The following SPON1 variants were observed in gnomAD, a reference collection of about 807,000 sequenced individuals.
SPON1 encodes spondin-1.
Under a neutral mutation model 111.7 loss-of-function variants are expected in SPON1, and 52 were observed. The observed-to-expected ratio is 0.47, with a 90% confidence interval of 0.37 to 0.59. The LOEUF is 0.59. SPON1 is among the 20% of genes least tolerant of loss of function. SPON1 has a pLI of 0.00. For missense variants in SPON1, 957 were observed against 1,068.5 expected, an observed-to-expected ratio of 0.90 and a Z score of 1.46; for synonymous variants, 410 against 395.8, an observed-to-expected ratio of 1.04 and a Z score of -0.43.
chr11:14,224,777 G>C (rs1554937961), intron 6 of SPON1: 1 of 498,412 alleles, frequency 2.0e-6, no homozygotes, highest in Non-Finnish European at 4.0e-6. Context: ...GGAGAAGTAG[G>C]TGGGGCCAAA....
intron 1 of SPON1, among the ~76,000 whole-genome samples, chr11:13,974,877 C>T (rs929067647): frequency 6.6e-6 from 1 of 152,160 alleles, no homozygotes; most frequent in African/African-American, 2.4e-5. Context: ...AGCCTTTTAT[C>T]ACACCCTTCC....
chr11:14,122,764 T>G (rs1847407173), intron 5 of SPON1, among the ~76,000 whole-genome samples: 1 of 152,194 alleles, frequency 6.6e-6, no homozygotes, highest in South Asian at 2.1e-4. Context: ...ATTCCCTATC[T>G]GTTCACTCAT....
At chr11:13,983,481 C>G (rs905992336) in intron 2 of SPON1, among the ~76,000 whole-genome samples, 2 of 152,106 alleles carry the variant, frequency 1.3e-5, no homozygotes, top group African/African-American at 4.8e-5. Context: ...AAATGTCAGT[C>G]CTCACAGAAC....
intron 6 of SPON1, among the ~76,000 whole-genome samples, chr11:14,140,989 A>G (rs1055312439): frequency 4.0e-5 from 6 of 149,858 alleles, no homozygotes; most frequent in Non-Finnish European, 8.9e-5. Context: ...CAAACAGGGC[A>G]GCCCTTTAAA....
At chr11:14,225,030 C>G (rs1024236976) in intron 6 of SPON1, among the ~76,000 whole-genome samples, 8 of 152,110 alleles carry the variant, frequency 5.3e-5, no homozygotes, top group Non-Finnish European at 1.0e-4. Flanking sequence ...CAGGGTGTGG[C>G]TGAGGGCGCC....
At chr11:14,174,886 G>T (rs1321994049) in intron 6 of SPON1, among the ~76,000 whole-genome samples, 2 of 152,076 alleles carry the variant, frequency 1.3e-5, no homozygotes, top group African/African-American at 4.8e-5. Context: ...ATGCCAAGTG[G>T]CCAATATTTC....
intron 2 of SPON1, among the ~76,000 whole-genome samples, chr11:13,985,682 T>G (rs1318174781): frequency 1.3e-5 from 2 of 152,178 alleles, no homozygotes; most frequent in African/African-American, 2.4e-5. Flanking sequence ...TCCCCTTAAT[T>G]CTTGTAGCAA....
intron 10 of SPON1, among the ~76,000 whole-genome samples, chr11:14,257,156 T>C (rs1255652957): frequency 6.6e-6 from 1 of 152,210 alleles, no homozygotes; most frequent in Non-Finnish European, 1.5e-5. Flanking sequence ...ACATGTGATC[T>C]TGGGCAAGAA....
chr11:14,018,821 G>A (rs1848461501), intron 2 of SPON1, among the ~76,000 whole-genome samples: 1 of 152,238 alleles, frequency 6.6e-6, no homozygotes, highest in Non-Finnish European at 1.5e-5. Context: ...GACCAGGCAA[G>A]TTCAGTGGGC....
chr11:14,210,740 T>G (rs1848566871), intron 6 of SPON1, among the ~76,000 whole-genome samples: 1 of 152,172 alleles, frequency 6.6e-6, no homozygotes, highest in South Asian at 2.1e-4. Flanking sequence ...TTTTAGGTCT[T>G]ATATTTAAGT....
At position 13,962,949 on chromosome 11, in the gene SPON1, A is replaced by G; in HGVS notation, c.45A>G (p.Ala15=). The change falls in exon 1 of 16, where the codon GCA becomes GCG. Residue 15 remains alanine, a synonymous_variant. Coordinates refer to ENST00000576479, the MANE Select transcript of SPON1 (RefSeq NM_006108.4). ...PAPLKLSRTP[A]LLALALPLAA... ...CCCTGAAGCTGAGCCGGACTCCGGC[A>G]CTGCTGGCCCTGGCGCTGCCCCTGG... 1 of 1,583,816 alleles carries G rather than the reference A, an allele frequency of 6.3e-7. No homozygotes were observed. The highest frequency in any genetic ancestry group is 1.2e-5 in the South Asian group (1 of 86,358).
intron 6 of SPON1, among the ~76,000 whole-genome samples, chr11:14,136,425 G>A (rs1221199635): frequency 6.6e-6 from 1 of 152,228 alleles, no homozygotes; most frequent in Non-Finnish European, 1.5e-5. Flanking sequence ...CTGAGAGGCT[G>A]TTGCCCTCCC....
At chr11:13,979,646 T>C (rs1375600734) in intron 1 of SPON1, among the ~76,000 whole-genome samples, 2 of 152,214 alleles carry the variant, frequency 1.3e-5, no homozygotes, top group African/African-American at 4.8e-5. Context: ...CCTCACCTGA[T>C]GCAAGGCAGC....
intron 6 of SPON1, among the ~76,000 whole-genome samples, chr11:14,242,307 T>C (rs561661003): frequency 1.3e-5 from 2 of 152,328 alleles, no homozygotes; most frequent in East Asian, 3.9e-4. Flanking sequence ...TGTAGCCTTG[T>C]CGCTATGAGC....
At chr11:13,982,725 T>A (rs1468060944) in intron 1 of SPON1, 122 bp from the exon 2 acceptor site, 1 of 684,192 alleles carries the variant, frequency 1.5e-6, no homozygotes, top group Non-Finnish European at 2.6e-6. Context: ...GCCTCAACAC[T>A]GTCCACGGCC....
At chr11:14,153,009 G>C (rs926354469) in intron 6 of SPON1, among the ~76,000 whole-genome samples, 5 of 152,130 alleles carry the variant, frequency 3.3e-5, no homozygotes, top group African/African-American at 4.8e-5. Context: ...CAACCTCCAA[G>C]CACTCCAAAT....
intron 7 of SPON1, among the ~76,000 whole-genome samples, chr11:14,253,103 G>A (rs1387260379): frequency 6.6e-6 from 1 of 152,172 alleles, no homozygotes; most frequent in Admixed American, 6.5e-5. Context: ...TAAGGGAGGG[G>A]GTGCATGGGA....
intron 6 of SPON1, among the ~76,000 whole-genome samples, chr11:14,220,491 G>A (rs1848669944): frequency 6.6e-6 from 1 of 152,112 alleles, no homozygotes; most frequent in Non-Finnish European, 1.5e-5. Flanking sequence ...CTTTGAAGTG[G>A]TTTTTCCTCC....
At chr11:14,150,733 T>C (rs1220339953) in intron 6 of SPON1, among the ~76,000 whole-genome samples, 1 of 152,152 alleles carries the variant, frequency 6.6e-6, no homozygotes, top group Non-Finnish European at 1.5e-5. Context: ...ATGGTAATCA[T>C]TTGTGAAAAA....
Sources: gnomAD v4.1 joint callset for allele counts (sites outside exome capture counted in the v4.1 genomes callset) on GRCh38, gnomAD v4.1.1 for gene constraint, MANE v1.5 for transcripts, NCBI Gene and HGNC (gene_info 2026-07-23, HGNC 2026-07-21) for gene names.